The following PACS2 variants were observed in gnomAD, a reference collection of about 807,000 sequenced individuals.
PACS2 encodes PACS1-like protein.
In PACS2, 36 loss-of-function variants were observed where a neutral mutation model predicts 113.0. The observed-to-expected ratio is 0.32, with a 90% CI of 0.24 to 0.42. The LOEUF is 0.42. PACS2 is among the 10% of genes least tolerant of loss of function. The pLI, the probability that PACS2 is intolerant of heterozygous loss-of-function variation, is 1.00. For missense variants in PACS2, 1,015 were observed against 1,239.5 expected (o/e 0.82, Z 2.72); for synonymous variants, 589 against 536.1 (o/e 1.10, Z -1.36).
upstream of PACS2, among the ~76,000 whole-genome samples, chr14:105,309,446 G>A (rs1220458269): frequency 6.6e-6 from 1 of 152,230 alleles, no homozygotes; most frequent in Non-Finnish European, 1.5e-5. This position sits in a 1 kb window ranked among gnomAD's most constrained non-coding sequence, Gnocchi z 4.0. Context: ...GGCAAGTTTT[G>A]TCATTTCCCC....
chr14:105,372,250 G>A (rs911565027), intron 8 of PACS2: 11 of 152,246 alleles, frequency 7.2e-5, no homozygotes, highest in South Asian at 2.1e-4. Context: ...AGCTCACAGC[G>A]AAAGCGTCCG....
chr14:105,306,254 G>T (rs1363211754), intron 1 of PACS2, among the ~76,000 whole-genome samples: 1 of 152,134 alleles, frequency 6.6e-6, no homozygotes, highest in Non-Finnish European at 1.5e-5. Context: ...CCTCCTGGAG[G>T]CTTTCTTCAT....
rs2059005346 is a variant in PACS2, at chr14:105,324,154, C to T, written c.119+9117C>T. ...CCTTTCCCTCTCTCTGCCCAGCATT[C>T]TCAGCATGCGTCTCAGGAAGGTTTG... is the stretch of plus-strand genomic sequence containing the variant. On this transcript the variant is annotated intron_variant, in intron 1 of 24. Transcript: ENST00000447393. The surrounding 1 kb of genome is among the most constrained non-coding windows in gnomAD (Gnocchi z 4.7). Among the ~76,000 whole-genome samples the T allele has an allele frequency of 6.6e-6, 1 of 152,208 alleles. No individual in the cohort carries two copies. Among genetic ancestry groups the T allele is most frequent in the Non-Finnish European group, 1.5e-5 (1 of 68,032 alleles).
rs1328807606 is a variant in PACS2, at chr14:105,315,158, G to C, written c.119+121G>C. On this transcript the variant is annotated intron_variant, in intron 1 of 24. Transcript: ENST00000447393. The surrounding 1 kb of genome is among the most constrained non-coding windows in gnomAD (Gnocchi z 4.4). Reference sequence around the variant, plus strand: ...CAGCGGAGCCCAGGTCGCCCCCCGCGCCCCCGCCCGCCGGTTCGACGCGTG... The same window carrying C: ...CAGCGGAGCCCAGGTCGCCCCCCGCCCCCCCGCCCGCCGGTTCGACGCGTG... 1 of 505,464 alleles carries C rather than the reference G, an allele frequency of 2.0e-6. No homozygotes were observed. The highest frequency in any genetic ancestry group is 1.1e-4 in the East Asian group (1 of 8,990). The allele number at this position is 505,464 out of a possible 1,614,324, so 31.3% of individuals were successfully genotyped here. A position where few individuals can be genotyped will look rare whatever the true frequency, so the allele number is the denominator to read the frequency against.
In PACS2 at chr14:105,361,535, G is replaced by A. The variant is rs973276064; in HGVS notation, c.424-5678G>A. Among the ~76,000 whole-genome samples, 4 of 152,338 alleles carry A rather than the reference G, an allele frequency of 2.6e-5. No homozygotes were observed. The East Asian group carries it at 7.7e-4, about 29-fold the overall frequency. Reference sequence around the variant, plus strand: ...ACCTGTAATTCCAGCTACTCAGTAGGCTGAGACAGAAGAATCGGTTGAACC... The same window carrying A: ...ACCTGTAATTCCAGCTACTCAGTAGACTGAGACAGAAGAATCGGTTGAACC... On this transcript the variant is annotated intron_variant, in intron 4 of 24. Transcript: ENST00000447393.
chr14:105,314,972 G>T lies in PACS2; in HGVS notation c.54G>T (p.Thr18=). 8.1e-7 allele frequency: 1 copy of T among 1,234,292 alleles called. No homozygotes were observed. The highest frequency in any genetic ancestry group is 1.6e-5 in the South Asian group (1 of 62,634). The allele number at this position is 1,234,292 out of a possible 1,614,324, so 76.5% of individuals were successfully genotyped here. A position where few individuals can be genotyped will look rare whatever the true frequency, so the allele number is the denominator to read the frequency against. The change falls in exon 1 of 25, where the codon ACG becomes ACT. Residue 18 remains threonine (T), a synonymous_variant. Transcript: ENST00000447393. ...GLPGAPGALN[T]PVPMNLFATW... ...CCGGCGCGCCCGGCGCGCTCAACAC[G>T]CCCGTGCCCATGAACCTGTTCGCCA... is the stretch of plus-strand genomic sequence containing the variant.
At position 105,391,639 on chromosome 14, in the gene PACS2, G is replaced by T. The variant is rs1555414848; in HGVS notation, c.2128G>T (p.Asp710Tyr). ...EPSSATSGDS[D>Y]DAAPSGSGTL... ...GTGACTCCTCCCCAAAGGCGACTCG[G>T]ACGACGCGGCCCCCTCGGGCTCTGG... Residue 710 changes from aspartate (D) to tyrosine (Y), a missense_variant, in exon 22 of 25, where the codon GAC becomes TAC. Asp to Tyr is a radical substitution (Grantham distance 160). Coordinates refer to ENST00000447393, the MANE Select transcript of PACS2 (RefSeq NM_001100913.3). The T allele has an allele frequency of 6.2e-7, 1 of 1,609,728 alleles. No homozygotes were observed. Among genetic ancestry groups the T allele is most frequent in the Admixed American group, 1.7e-5 (1 of 59,874 alleles).
intron 20 of PACS2, 48 bp downstream of exon 20, chr14:105,390,051 CTT>C (rs2081304902): frequency 2.0e-6 from 3 of 1,536,406 alleles, no homozygotes; most frequent in Admixed American, 1.7e-5. Flanking sequence ...CACCTGCCAA[CTT>C]GTCGTTTACA....
chr14:105,332,648 A>T (rs999595622), intron 1 of PACS2, among the ~76,000 whole-genome samples: 1 of 152,120 alleles, frequency 6.6e-6, no homozygotes, highest in Non-Finnish European at 1.5e-5. Context: ...CTCCTCGGGC[A>T]CTGCATGGCT....
At chr14:105,371,459 G>A (rs781974654) in intron 8 of PACS2, 1 of 152,252 alleles carries the variant, frequency 6.6e-6, no homozygotes, top group Non-Finnish European at 1.5e-5. Flanking sequence ...CGTCACAGAC[G>A]CTGTTCAGGG....
chr14:105,341,933 G>A (rs144058912), intron 1 of PACS2, among the ~76,000 whole-genome samples: 346 of 152,308 alleles, frequency 2.3e-3, no homozygotes, highest in African/African-American at 8.0e-3. Context: ...ACGGGGAGCC[G>A]TAGCCTGCTG....
rs927490505 is a variant in PACS2, at chr14:105,322,179, G to A, written c.119+7142G>A. ...TCTCGAACTCTCGACCTCGTGATCC[G>A]CCCGCCTTGGCCTCCCAAAGTGCTG... On this transcript the variant is annotated intron_variant, in intron 1 of 24. Coordinates refer to ENST00000447393, the MANE Select transcript of PACS2 (RefSeq NM_001100913.3). 4.6e-5 allele frequency among the ~76,000 whole-genome samples: 7 copies of A among 150,854 alleles called. No individual in the cohort carries two copies. The East Asian group carries it at 1.0e-3, about 22-fold the overall frequency.
At chr14:105,368,239 G>A (rs1238461323) in intron 6 of PACS2, 92 bp downstream of exon 6, 12 of 951,708 alleles carry the variant, frequency 1.3e-5, no homozygotes, top group East Asian at 9.9e-5. Flanking sequence ...CCAGGGCCTC[G>A]TGAGGGTGGG....
At chr14:105,345,643 G>T (rs1034082703) in intron 1 of PACS2, among the ~76,000 whole-genome samples, 1 of 152,080 alleles carries the variant, frequency 6.6e-6, no homozygotes, top group Non-Finnish European at 1.5e-5. Context: ...GGATTTCCCC[G>T]CCATCTTTCT....
upstream of PACS2, among the ~76,000 whole-genome samples, chr14:105,312,937 G>A (rs78592622): frequency 3.3e-5 from 5 of 152,152 alleles, no homozygotes; most frequent in African/African-American, 7.2e-5. Flanking sequence ...GTCATATCCC[G>A]ACCCCTGGCA....
chr14:105,374,169 A>G (rs2061259987), intron 8 of PACS2, among the ~76,000 whole-genome samples: 1 of 152,040 alleles, frequency 6.6e-6, no homozygotes, highest in African/African-American at 2.4e-5. Flanking sequence ...AAAAAAAAAA[A>G]AACTTGAAAT....
intron 24 of PACS2, chr14:105,394,131 A>C (rs1398367616): frequency 2.2e-6 from 2 of 897,504 alleles, no homozygotes. Context: ...CTTTTTGAGC[A>C]CGGGTCAGAT....
intron 1 of PACS2, among the ~76,000 whole-genome samples, chr14:105,332,440 G>A (rs766214110): frequency 6.6e-6 from 1 of 152,204 alleles, no homozygotes; most frequent in Non-Finnish European, 1.5e-5. Flanking sequence ...TGTTCAGGGT[G>A]TGCCTGTGTG....
chr14:105,326,271 C>T (rs1034907077), intron 1 of PACS2, among the ~76,000 whole-genome samples: 5 of 152,110 alleles, frequency 3.3e-5, no homozygotes, highest in Admixed American at 6.5e-5. Context: ...TGGTCCTGGA[C>T]ACGGGTGGGG....
Sources: gnomAD v4.1 joint callset for allele counts (sites outside exome capture counted in the v4.1 genomes callset) on GRCh38, gnomAD v4.1.1 for gene constraint, Gnocchi (gnomAD v3.1) non-coding constraint, MANE v1.5 for transcripts, NCBI Gene and HGNC (gene_info 2026-07-23, HGNC 2026-07-21) for gene names.